The following OSMR variants were observed in gnomAD, a reference collection of about 807,000 sequenced individuals.
The protein encoded by OSMR is oncostatin-M-specific receptor subunit beta.
Under a neutral mutation model 99.9 loss-of-function variants are expected in OSMR, and 81 were observed. That is an observed-to-expected ratio of 0.81 (90% CI 0.68 to 0.97). The LOEUF is 0.97. Ranked by LOEUF, OSMR falls within the 50% of genes least tolerant of loss-of-function variation. OSMR has a pLI of 0.00. For synonymous variants in OSMR, 406 were observed against 410.4 expected (o/e 0.99, Z 0.13); for missense variants, 1,099 against 1,153.4 (o/e 0.95, Z 0.68).
intron 1 of OSMR, among the ~76,000 whole-genome samples, chr5:38,859,360 T>G (rs1370976700): frequency 6.6e-6 from 1 of 152,240 alleles, no homozygotes; most frequent in African/African-American, 2.4e-5. Context: ...GAGTATGTCC[T>G]TTCCCCAATA....
intron 1 of OSMR, among the ~76,000 whole-genome samples, chr5:38,859,932 A>G (rs1333887025): frequency 5.9e-5 from 9 of 152,254 alleles, no homozygotes; most frequent in Middle Eastern, 3.4e-3. Context: ...TTGATTTTGT[A>G]TTCTAAAACT....
At chr5:38,924,700 C>T in intron 14 of OSMR, 105 bp downstream of exon 14, 2 of 1,004,332 alleles carry the variant, frequency 2.0e-6, no homozygotes, top group Non-Finnish European at 3.1e-6. Flanking sequence ...GCTGAATTCC[C>T]TTCTTGCATG....
In OSMR at chr5:38,904,193, A is replaced by G. The variant is rs566612590; in HGVS notation, c.1135-160A>G. The G allele has an allele frequency of 9.1e-6, 9 of 985,064 alleles. 1 individual carries two copies. In the Admixed American group the frequency reaches 1.8e-4, roughly 20 times the overall value. The allele number at this position is 985,064 out of a possible 1,614,324, so 61.0% of individuals were successfully genotyped here. A position where few individuals can be genotyped will look rare whatever the true frequency, so the allele number is the denominator to read the frequency against. On this transcript the variant is annotated intron_variant, in intron 8 of 17. Coordinates refer to ENST00000274276, the MANE Select transcript of OSMR (RefSeq NM_003999.3). ...TAATCATACACTTTTATGGTTAGGA[A>G]ATGGGCCTTGAAGATTTTTTTCCCC... is the stretch of plus-strand genomic sequence containing the variant.
chr5:38,892,224 C>T (rs1744208269), intron 7 of OSMR, among the ~76,000 whole-genome samples: 1 of 152,162 alleles, frequency 6.6e-6, no homozygotes, highest in African/African-American at 2.4e-5. Flanking sequence ...ATAGCCTAAC[C>T]TCCCTGCCAC....
chr5:38,938,050 C>A (rs1747161497), downstream of OSMR: 1 of 203,518 alleles, frequency 4.9e-6, no homozygotes, highest in Non-Finnish European at 1.0e-5. Flanking sequence ...CAAAAAAAAT[C>A]AAGGTGAGCA....
intron 1 of OSMR, among the ~76,000 whole-genome samples, chr5:38,864,540 G>GTTTTTTTTTTTTTTTTTT (rs33918195): frequency 6.8e-6 from 1 of 147,252 alleles, no homozygotes; most frequent in African/African-American, 2.5e-5. Context: ...CTTGCCTGAA[G>GTTTTTTTTTTTTTTTTTT]TTTTTTTTTT....
At chr5:38,910,871 G>A (rs549549913) in intron 9 of OSMR, among the ~76,000 whole-genome samples, 37 of 152,208 alleles carry the variant, frequency 2.4e-4, no homozygotes, top group African/African-American at 7.7e-4. Flanking sequence ...TTAGCCAGGC[G>A]TGGTGGCACG....
At chr5:38,932,843 A>G (rs1314700499) in intron 17 of OSMR, 29 bp from the exon 18 acceptor site, 5 of 1,613,066 alleles carry the variant, frequency 3.1e-6, no homozygotes, top group Non-Finnish European at 4.2e-6. Flanking sequence ...ACAAATGTCT[A>G]TATTTACATA....
chr5:38,897,645 A>G (rs1022782915), intron 7 of OSMR, among the ~76,000 whole-genome samples: 14 of 151,448 alleles, frequency 9.2e-5, no homozygotes, highest in Non-Finnish European at 2.1e-4. Flanking sequence ...TTCATCTCCA[A>G]TCTTTATTAT....
intron 7 of OSMR, among the ~76,000 whole-genome samples, chr5:38,902,248 G>A (rs1744942490): frequency 6.6e-6 from 1 of 152,220 alleles, no homozygotes; most frequent in Non-Finnish European, 1.5e-5. Flanking sequence ...AAGTGGATAT[G>A]CCCCACTGTT....
chr5:38,914,215 G>T (rs969205443), intron 9 of OSMR, among the ~76,000 whole-genome samples: 1 of 152,170 alleles, frequency 6.6e-6, no homozygotes, highest in Admixed American at 6.5e-5. Flanking sequence ...CAAGCTGTTG[G>T]CTGAGGTTGT....
chr5:38,862,409 C>T (rs1365399952), intron 1 of OSMR, among the ~76,000 whole-genome samples: 3 of 270 alleles, frequency 0.011, no homozygotes, highest in African/African-American at 0.014. Flanking sequence ...GGCGGCTGGC[C>T]GGGCGGGGGC....
chr5:38,934,046 AAT>A lies in OSMR; in HGVS notation c.*608_*609del, dbSNP rs1208108067. ...GGGGCGGGGGGCATAGCTCTAATCT[AAT>A]ATATAAAATGTGTGATGAATCAACA... On this transcript the variant is annotated 3_prime_UTR_variant, in exon 18 of 18. Transcript: ENST00000274276. The A allele has an allele frequency of 6.5e-6, 1 of 152,684 alleles. No homozygotes were observed. The highest frequency in any genetic ancestry group is 3.2e-3 in the Middle Eastern group (1 of 316). 9.5% of individuals were successfully genotyped at this position (152,684 alleles called of 1,614,324 possible).
chr5:38,908,812 G>A (rs1745400628), intron 9 of OSMR, among the ~76,000 whole-genome samples: 1 of 152,154 alleles, frequency 6.6e-6, no homozygotes, highest in Non-Finnish European at 1.5e-5. Flanking sequence ...AGGAACATCA[G>A]CCCACACAGA....
chr5:38,901,475 T>C (rs1744886689), intron 7 of OSMR, among the ~76,000 whole-genome samples: 2 of 152,236 alleles, frequency 1.3e-5, no homozygotes, highest in Admixed American at 6.5e-5. Flanking sequence ...GGAGTTTGCA[T>C]GAACCCAAGT....
chr5:38,944,664 T>C (rs1747976581), intron 2 of OSMR: 2 of 1,112,252 alleles, frequency 1.8e-6, no homozygotes, highest in Admixed American at 5.0e-5. Flanking sequence ...CCTAAAGACC[T>C]AGAGATCAAT....
Position 38,876,284 on chromosome 5 carries a change from A to G in OSMR, c.157A>G (p.Thr53Ala), listed in dbSNP as rs753361830. 1.1e-5 allele frequency: 17 copies of G among 1,613,426 alleles called. No homozygotes were observed. The highest frequency in any genetic ancestry group is 1.4e-5 in the Non-Finnish European group (16 of 1,179,416). Residue 53 changes from threonine (T) to alanine (A), a missense_variant, in exon 3 of 18, where the codon ACT becomes GCT. Coordinates refer to ENST00000274276, the MANE Select transcript of OSMR (RefSeq NM_003999.3). ...STRQSLHLQW[T>A]VHNLPYHQEL... ...GCGTCAGAGTTTGCACTTACAATGG[A>G]CTGTCCACAACCTTCCTTATCATCA...
At chr5:38,856,071 T>C (rs1740813797) in intron 1 of OSMR, among the ~76,000 whole-genome samples, 1 of 152,136 alleles carries the variant, frequency 6.6e-6, no homozygotes, top group Non-Finnish European at 1.5e-5. Context: ...GGCTTTTCGT[T>C]GTGTTAGTCA....
intron 1 of OSMR, chr5:38,942,433 A>T (rs2112779229): frequency 1.0e-6 from 1 of 963,098 alleles, no homozygotes; most frequent in Non-Finnish European, 1.5e-6. Context: ...ATGATATAAC[A>T]TATTTATATA....
Sources: allele counts gnomAD v4.1 joint callset (sites outside exome capture counted in the v4.1 genomes callset), GRCh38; gene constraint gnomAD v4.1.1; transcripts MANE v1.5; gene names NCBI Gene and HGNC (gene_info 2026-07-23, HGNC 2026-07-21).